The following NELL1 variants were observed in gnomAD, a reference collection of about 807,000 sequenced individuals.
NELL1 encodes neural EGFL like 1.
Under a neutral mutation model 107.4 loss-of-function variants are expected in NELL1, and 76 were observed. That is an observed-to-expected ratio of 0.71 (90% CI 0.59 to 0.86). NELL1 has a LOEUF of 0.86. NELL1 is among the 40% of genes least tolerant of loss of function. NELL1 has a pLI of 0.00. For missense variants in NELL1, 1,024 were observed against 1,005.5 expected (o/e 1.02, Z -0.25); for synonymous variants, 353 against 341.2 (o/e 1.03, Z -0.38).
At chr11:20,795,737 G>C (rs1341072738) in intron 3 of NELL1, among the ~76,000 whole-genome samples, 2 of 152,122 alleles carry the variant, frequency 1.3e-5, no homozygotes, top group African/African-American at 2.4e-5. Context: ...ATCCTTTTCT[G>C]AGGAGATGAA....
rs1045661915 is a variant in NELL1 at position 20,690,873 on chromosome 11, C to G, written c.184+12813C>G. 3.3e-5 allele frequency among the ~76,000 whole-genome samples: 5 copies of G among 151,520 alleles called. No individual in the cohort carries two copies. The East Asian group carries it at 9.7e-4, about 29-fold the overall frequency. ...CATTGAATCTGTAAATTACCTTGGG[C>G]AGTATGGCCATTTTCACGATATTGA... On this transcript the variant is annotated intron_variant, in intron 2 of 19. Coordinates refer to ENST00000357134, the MANE Select transcript of NELL1 (RefSeq NM_006157.5).
chr11:20,786,342 C>A (rs1316054103), intron 3 of NELL1, among the ~76,000 whole-genome samples: 2 of 144,272 alleles, frequency 1.4e-5, no homozygotes. Context: ...AAGAGCAAAA[C>A]CCCATCTCAA....
At chr11:21,167,291 T>C (rs1017436034) in intron 13 of NELL1, among the ~76,000 whole-genome samples, 2 of 151,812 alleles carry the variant, frequency 1.3e-5, no homozygotes, top group Admixed American at 6.5e-5. Context: ...GAGAGACTCT[T>C]CTCCTGGAAC....
intron 13 of NELL1, among the ~76,000 whole-genome samples, chr11:21,149,056 T>A (rs968532265): frequency 2.6e-5 from 4 of 152,210 alleles, no homozygotes; most frequent in African/African-American, 9.6e-5. Context: ...GTTGCAGTTC[T>A]GGTCTTTAAC....
chr11:21,070,054 T>TTTG (rs1853973209), intron 12 of NELL1, among the ~76,000 whole-genome samples: 1 of 152,108 alleles, frequency 6.6e-6, no homozygotes, highest in African/African-American at 2.4e-5. Flanking sequence ...GACAAAATAG[T>TTTG]TTCCTTGCCT....
At chr11:20,832,050 C>A (rs1300643089) in intron 3 of NELL1, among the ~76,000 whole-genome samples, 1 of 152,166 alleles carries the variant, frequency 6.6e-6, no homozygotes, top group East Asian at 1.9e-4. Flanking sequence ...GTGGAGGAGG[C>A]TCCTGTAATA....
rs150980652 is a variant in NELL1 at position 21,025,894 on chromosome 11, T to A, written c.1300+65334T>A. ...AGTCTTTCCCATCAATTAAAGGCAA[T>A]TATTCCAGTTGCTTAGGCTGAAACC... On this transcript the variant is annotated intron_variant, in intron 12 of 19. Coordinates refer to ENST00000357134, the MANE Select transcript of NELL1 (RefSeq NM_006157.5). Among the ~76,000 whole-genome samples the A allele has an allele frequency of 5.8e-3, 889 of 152,308 alleles. 10 individuals carry two copies. The highest frequency in any genetic ancestry group is 0.02 in the African/African-American group (838 of 41,578).
intron 12 of NELL1, among the ~76,000 whole-genome samples, chr11:20,991,050 T>C (rs1851961207): frequency 6.6e-6 from 1 of 152,202 alleles, no homozygotes. Flanking sequence ...TCCAGCATTT[T>C]CAGATGGCCT....
chr11:20,805,624 T>A (rs1434700392), intron 3 of NELL1, among the ~76,000 whole-genome samples: 1 of 152,136 alleles, frequency 6.6e-6, no homozygotes, highest in East Asian at 1.9e-4. Flanking sequence ...GGTTCATGCC[T>A]CCCGAGCAGC....
At chr11:21,040,180 G>A (rs1206809339) in intron 12 of NELL1, among the ~76,000 whole-genome samples, 1 of 150,750 alleles carries the variant, frequency 6.6e-6, no homozygotes, top group Non-Finnish European at 1.5e-5. Flanking sequence ...ATGTGTGTGT[G>A]TGTAAATTTA....
At chr11:20,748,097 C>G (rs1212485457) in intron 2 of NELL1, among the ~76,000 whole-genome samples, 3 of 152,182 alleles carry the variant, frequency 2.0e-5, no homozygotes, top group African/African-American at 7.2e-5. Flanking sequence ...AACCTTCATT[C>G]TATAGCCAAA....
intron 14 of NELL1, among the ~76,000 whole-genome samples, chr11:21,235,973 C>T (rs1227957312): frequency 6.6e-6 from 1 of 152,110 alleles, no homozygotes; most frequent in African/African-American, 2.4e-5. Context: ...GTTTGAACCT[C>T]ATCTCTTATG....
chr11:20,797,908 A>C (rs1857206143), intron 3 of NELL1, among the ~76,000 whole-genome samples: 1 of 152,218 alleles, frequency 6.6e-6, no homozygotes, highest in Non-Finnish European at 1.5e-5. Flanking sequence ...AAATTACCAC[A>C]AATACAGAAA....
chr11:21,445,416 T>C (rs1011065283), intron 15 of NELL1, among the ~76,000 whole-genome samples: 7 of 152,154 alleles, frequency 4.6e-5, no homozygotes, highest in African/African-American at 1.7e-4. Flanking sequence ...AACCTCCGCC[T>C]CCCAGGTTCA....
intron 16 of NELL1, among the ~76,000 whole-genome samples, chr11:21,537,147 C>T (rs1221564604): frequency 1.3e-5 from 2 of 151,980 alleles, no homozygotes; most frequent in Non-Finnish European, 2.9e-5. Flanking sequence ...GAAATCTGAC[C>T]CTCACTTAGT....
At chr11:21,139,524 T>C (rs1855820651) in intron 13 of NELL1, among the ~76,000 whole-genome samples, 2 of 152,222 alleles carry the variant, frequency 1.3e-5, no homozygotes, top group Non-Finnish European at 2.9e-5. Context: ...CCACATTACA[T>C]ACTTTACTCA....
At chr11:21,328,364 G>A (rs947411227) in intron 14 of NELL1, among the ~76,000 whole-genome samples, 1 of 152,118 alleles carries the variant, frequency 6.6e-6, no homozygotes, top group African/African-American at 2.4e-5. Flanking sequence ...GAGCCTGTAG[G>A]TGCACAGAAG....
intron 14 of NELL1, among the ~76,000 whole-genome samples, chr11:21,231,898 T>C (rs1315338762): frequency 6.6e-6 from 1 of 152,144 alleles, no homozygotes; most frequent in Non-Finnish European, 1.5e-5. Flanking sequence ...TGTGGTATAG[T>C]TGAACAATTG....
intron 2 of NELL1, among the ~76,000 whole-genome samples, chr11:20,736,383 G>A (rs545442722): frequency 6.6e-6 from 1 of 152,276 alleles, no homozygotes; most frequent in South Asian, 2.1e-4. Context: ...ACCTGTCAGT[G>A]CACAAGTGAG....
Sources: gnomAD v4.1 joint callset for allele counts (sites outside exome capture counted in the v4.1 genomes callset) on GRCh38, gnomAD v4.1.1 for gene constraint, MANE v1.5 for transcripts, NCBI Gene and HGNC (gene_info 2026-07-23, HGNC 2026-07-21) for gene names.